Variants in ST6GAL1 observed in about 807,000 individuals in gnomAD.
ST6GAL1 encodes ST6 beta-galactoside alpha-2,6-sialyltransferase 1, also known as beta-galactoside alpha-2,6-sialyltransferase 1.
In ST6GAL1, 20 loss-of-function variants were observed where a neutral mutation model predicts 38.0. That is an observed-to-expected ratio of 0.53 (90% confidence interval 0.37 to 0.77). The LOEUF is 0.77. ST6GAL1 is among the 30% of genes least tolerant of loss of function. The pLI is 0.00. For missense variants in ST6GAL1, 432 were observed against 496.4 expected (o/e 0.87, Z 1.23); for synonymous variants, 196 against 188.2 (o/e 1.04, Z -0.34).
intron 7 of ST6GAL1, 30 bp downstream of exon 7, chr3:187,074,363 A>G (rs747143942): frequency 1.3e-6 from 2 of 1,515,596 alleles, no homozygotes; most frequent in African/African-American, 2.8e-5. Flanking sequence ...AAGACCTTGC[A>G]TGTTTGTTTC....
At chr3:187,035,516 A>G (rs974716859) in intron 2 of ST6GAL1, among the ~76,000 whole-genome samples, 19 of 152,328 alleles carry the variant, frequency 1.2e-4, no homozygotes, top group African/African-American at 4.6e-4. Flanking sequence ...CTGTAAGGCT[A>G]CAGTAACCAA....
chr3:186,984,756 CT>C (rs1560150895), intron 2 of ST6GAL1, among the ~76,000 whole-genome samples: 15 of 41,436 alleles, frequency 3.6e-4, no homozygotes, highest in Admixed American at 1.0e-3. Flanking sequence ...CCCTCCCTCC[CT>C]CCCTCCCTCC....
intron 2 of ST6GAL1, among the ~76,000 whole-genome samples, chr3:187,014,595 G>A (rs1306267120): frequency 6.6e-6 from 1 of 152,208 alleles, no homozygotes; most frequent in Non-Finnish European, 1.5e-5. Flanking sequence ...TTCTGTGCTT[G>A]GTCAGCATGC....
intron 5 of ST6GAL1, chr3:187,064,573 A>C (rs1457822676): frequency 2.2e-6 from 1 of 456,510 alleles, no homozygotes; most frequent in Admixed American, 2.4e-5. Flanking sequence ...ACTTCCCGGG[A>C]TACACTACCC....
chr3:187,058,518 T>C (rs1718799230), intron 5 of ST6GAL1, among the ~76,000 whole-genome samples: 1 of 151,762 alleles, frequency 6.6e-6, no homozygotes, highest in African/African-American at 2.4e-5. Context: ...CTAATACCTT[T>C]TAATTTTTTT....
chr3:187,026,774 G>A (rs943851522), intron 2 of ST6GAL1, among the ~76,000 whole-genome samples: 19 of 152,176 alleles, frequency 1.2e-4, no homozygotes, highest in African/African-American at 4.1e-4. Context: ...GGCCAGGTGC[G>A]GTGGCTCACG....
intron 2 of ST6GAL1, among the ~76,000 whole-genome samples, chr3:187,008,458 G>C (rs1263690452): frequency 6.6e-6 from 1 of 152,064 alleles, no homozygotes; most frequent in Non-Finnish European, 1.5e-5. Context: ...GACGAAGACA[G>C]TGAAACCCCG....
At chr3:187,057,098 T>A (rs1310745485) in intron 5 of ST6GAL1, among the ~76,000 whole-genome samples, 17 of 152,240 alleles carry the variant, frequency 1.1e-4, no homozygotes, top group African/African-American at 4.1e-4. Flanking sequence ...TCGCATTGGC[T>A]ATTGAAGCTT....
At chr3:186,967,039 G>C (rs1046507114) in intron 2 of ST6GAL1, among the ~76,000 whole-genome samples, 5 of 152,190 alleles carry the variant, frequency 3.3e-5, no homozygotes, top group African/African-American at 1.2e-4. Context: ...AAGAGGAGGA[G>C]CTTCCATACT....
chr3:186,972,415 A>AT (rs1227751181), intron 2 of ST6GAL1, among the ~76,000 whole-genome samples: 3 of 151,968 alleles, frequency 2.0e-5, no homozygotes, highest in Admixed American at 6.5e-5. Flanking sequence ...CACCCAGCTA[A>AT]TTTTTTGTGT....
chr3:187,038,069 T>C (rs1717991405), intron 2 of ST6GAL1, among the ~76,000 whole-genome samples: 1 of 152,122 alleles, frequency 6.6e-6, no homozygotes, highest in Admixed American at 6.5e-5. Flanking sequence ...TGAAGTTTAT[T>C]TCAGGATGGA....
rs979865796 is a variant in ST6GAL1 at position 187,051,295 on chromosome 3, C to T, written c.654C>T (p.Asn218=). The T allele has an allele frequency of 6.2e-7, 1 of 1,614,162 alleles. No homozygotes were observed. The highest frequency in any genetic ancestry group is 8.5e-7 in the Non-Finnish European group (1 of 1,180,024). The change falls in exon 5 of 8, where the codon AAC becomes AAT. Residue 218 remains asparagine, a synonymous_variant. Transcript: ENST00000169298. ...GGTTTAATGGGGCACCCACAGCCAA[C>T]TTCCAACAAGATGTGGGCACAAAAA... ...VLRFNGAPTA[N]FQQDVGTKTT...
chr3:187,006,862 C>G (rs568086267), intron 2 of ST6GAL1, among the ~76,000 whole-genome samples: 1 of 152,312 alleles, frequency 6.6e-6, no homozygotes, highest in Non-Finnish European at 1.5e-5. Flanking sequence ...TGCCAAATCC[C>G]TTTCTTCCCT....
chr3:187,026,626 A>G (rs1218270781), intron 2 of ST6GAL1, among the ~76,000 whole-genome samples: 12 of 152,228 alleles, frequency 7.9e-5, no homozygotes, highest in South Asian at 2.1e-4. Context: ...CAGGATTTCA[A>G]TCTAGCTTTT....
At chr3:187,034,229 A>C (rs557095298) in intron 2 of ST6GAL1, among the ~76,000 whole-genome samples, 1 of 152,294 alleles carries the variant, frequency 6.6e-6, no homozygotes, top group African/African-American at 2.4e-5. Context: ...ACCTGAACAG[A>C]CCAATATCAA....
chr3:187,061,972 A>G (rs1021722779), intron 5 of ST6GAL1, among the ~76,000 whole-genome samples: 16 of 152,232 alleles, frequency 1.1e-4, no homozygotes, highest in African/African-American at 3.1e-4. Context: ...CAAGTCATCT[A>G]TCTGATAAGG....
chr3:187,074,311 C>T lies in ST6GAL1; in HGVS notation c.957C>T (p.Asn319=), dbSNP rs377592687. The change falls in exon 7 of 8, where the codon AAC becomes AAT. Residue 319 remains asparagine (N), a synonymous_variant. Coordinates refer to ENST00000169298, the MANE Select transcript of ST6GAL1 (RefSeq NM_173216.2). ...QEISPEEIQP[N]PPSSGMLGII... ...TCTCCCCAGAAGAGATTCAGCCAAA[C>T]CCCCCATCCTCTGGGATGCTTGGTG... is the stretch of plus-strand genomic sequence containing the variant. 105 of 1,593,576 alleles carry T rather than the reference C, an allele frequency of 6.6e-5. No individual in the cohort carries two copies. The highest frequency in any genetic ancestry group is 8.4e-5 in the Non-Finnish European group (98 of 1,171,298).
intron 5 of ST6GAL1, among the ~76,000 whole-genome samples, chr3:187,059,378 T>G (rs1466226275): frequency 6.6e-6 from 1 of 152,216 alleles, no homozygotes; most frequent in Admixed American, 6.5e-5. Context: ...TCCCTTCTCA[T>G]GCCTAGTCAG....
At chr3:186,990,488 A>C (rs1716122480) in intron 2 of ST6GAL1, among the ~76,000 whole-genome samples, 1 of 152,152 alleles carries the variant, frequency 6.6e-6, no homozygotes, top group Non-Finnish European at 1.5e-5. Context: ...TGATAGGCAT[A>C]GACTATTGAT....
Sources: gnomAD v4.1 joint callset for allele counts (sites outside exome capture counted in the v4.1 genomes callset) on GRCh38, gnomAD v4.1.1 for gene constraint, MANE v1.5 for transcripts, NCBI Gene and HGNC (gene_info 2026-07-23, HGNC 2026-07-21) for gene names.